Variants in MYLK4 observed in about 807,000 individuals in gnomAD.
The protein encoded by MYLK4 is myosin light chain kinase family member 4.
In MYLK4, 46 loss-of-function variants were observed where a neutral mutation model predicts 48.1. The ratio of observed to expected loss-of-function variants is 0.96; its 90% confidence interval spans 0.75 to 1.22. The LOEUF is 1.22. MYLK4 is among the 50% of genes most tolerant of loss of function. The pLI is 0.00. For synonymous variants in MYLK4, 170 were observed against 180.8 expected, an observed-to-expected ratio of 0.94 and a Z score of 0.48; for missense variants, 451 against 486.1, an observed-to-expected ratio of 0.93 and a Z score of 0.68.
chr6:2,731,009 ACCTTTTCT>A (rs1332486358), intron 2 of MYLK4, among the ~76,000 whole-genome samples: 1 of 152,134 alleles, frequency 6.6e-6, no homozygotes, highest in Non-Finnish European at 1.5e-5. Flanking sequence ...ACCACGAAAG[ACCTTTTCT>A]TACAGAAAAG....
At chr6:2,694,505 G>A (rs1761950961) in intron 2 of MYLK4, among the ~76,000 whole-genome samples, 2 of 30,632 alleles carry the variant, frequency 6.5e-5, no homozygotes, top group African/African-American at 1.6e-4. Context: ...TGGTGGTGGT[G>A]GTGGTGGCGG....
At chr6:2,690,884 C>T (rs1005748843) in intron 3 of MYLK4, among the ~76,000 whole-genome samples, 19 of 121,382 alleles carry the variant, frequency 1.6e-4, no homozygotes, top group African/African-American at 6.2e-4. Context: ...GGCTGGAGTG[C>T]AGTGGCGCGA....
chr6:2,731,420 G>A (rs535261964), intron 2 of MYLK4, among the ~76,000 whole-genome samples: 1 of 152,264 alleles, frequency 6.6e-6, no homozygotes, highest in South Asian at 2.1e-4. Context: ...GGCTGCTGGA[G>A]GTGCTTCTCC....
Position 2,675,125 on chromosome 6 carries a change from A to G in MYLK4, c.1041T>C (p.Ser347=). ...FISKLLIKEK[S]WRISASEALK... The stretch of plus-strand genomic sequence containing the variant: ...GAGCTTCGCTTGCACTTATTCGCCA[A>G]CTAGAAGGAAATTCAGAAGGTGATT... Residue 347 remains serine (S), a splice_region_variant and synonymous_variant, in exon 11 of 13, where the codon AGT becomes AGC. Transcript: ENST00000274643. 2 of 1,612,816 alleles carry G rather than the reference A, an allele frequency of 1.2e-6. No homozygotes were observed. Among genetic ancestry groups the G allele is most frequent in the Non-Finnish European group, 8.5e-7 (1 of 1,178,894 alleles).
At chr6:2,686,152 G>C (rs1761539724) in intron 4 of MYLK4, among the ~76,000 whole-genome samples, 1 of 151,752 alleles carries the variant, frequency 6.6e-6, no homozygotes, top group Non-Finnish European at 1.5e-5. Flanking sequence ...CCTGAGGCAG[G>C]AATCCAGGGG....
chr6:2,741,852 A>G lies in MYLK4; in HGVS notation c.159+7284T>C, dbSNP rs1196948251. Among the ~76,000 whole-genome samples, 3 of 152,216 alleles carry G rather than the reference A, an allele frequency of 2.0e-5. No homozygotes were observed. In the East Asian group the frequency reaches 5.8e-4, roughly 29 times the overall value. On this transcript the variant is annotated intron_variant, in intron 2 of 12. Transcript: ENST00000274643. ...GGCCTTTTCACTGGGAAATGCTCTG[A>G]GGGCTACAATCTCATAGCTTGAGTG...
At chr6:2,766,696 C>T in the MYLK4 span, among the ~76,000 whole-genome samples, 2 of 152,208 alleles carry the variant, frequency 1.3e-5, no homozygotes, top group South Asian at 2.1e-4. Flanking sequence ...TCTGTGAATC[C>T]ATAGTTTTAC....
the MYLK4 span, among the ~76,000 whole-genome samples, chr6:2,760,252 G>T: frequency 6.6e-6 from 1 of 152,170 alleles, no homozygotes; most frequent in Non-Finnish European, 1.5e-5. Context: ...ATATATGGGA[G>T]TATGTGCATA....
chr6:2,723,725 G>A (rs1398425271), intron 2 of MYLK4, among the ~76,000 whole-genome samples: 2 of 152,168 alleles, frequency 1.3e-5, no homozygotes, highest in Non-Finnish European at 1.5e-5. Context: ...GTCATCTCTG[G>A]CTAAAGAGAC....
intron 2 of MYLK4, among the ~76,000 whole-genome samples, chr6:2,714,539 T>C (rs1430470932): frequency 6.6e-6 from 1 of 152,254 alleles, no homozygotes; most frequent in Non-Finnish European, 1.5e-5. Context: ...TTCCTGGGCA[T>C]AGCCCCAATT....
the MYLK4 span, among the ~76,000 whole-genome samples, chr6:2,764,954 T>C: frequency 0.012 from 1,853 of 152,246 alleles, 27 homozygotes; most frequent in South Asian, 0.061. Context: ...TTGGGTTTTT[T>C]CCCCCATTTC....
At position 2,692,707 on chromosome 6, in the gene MYLK4, C is replaced by G. The variant is rs942893511; in HGVS notation, c.235+77G>C. The G allele has an allele frequency of 4.0e-5, 48 of 1,196,274 alleles. No homozygotes were observed. The Admixed American group carries it at 4.8e-4, about 12-fold the overall frequency. The allele number at this position is 1,196,274 out of a possible 1,614,324, so 74.1% of individuals were successfully genotyped here. A position where few individuals can be genotyped will look rare whatever the true frequency, so the allele number is the denominator to read the frequency against. On this transcript the variant is annotated intron_variant, in intron 3 of 12. Coordinates refer to ENST00000274643, the MANE Select transcript of MYLK4 (RefSeq NM_001012418.5). ...TGCACAGGGCTTTATGAATGTGCAA[C>G]TTCCTCTGAATAACAACAGGACTTT...
chr6:2,715,348 T>A (rs908930476), intron 2 of MYLK4, among the ~76,000 whole-genome samples: 1 of 151,856 alleles, frequency 6.6e-6, no homozygotes, highest in African/African-American at 2.4e-5. Flanking sequence ...TGCACGACAA[T>A]GTGAATGTAC....
intron 2 of MYLK4, among the ~76,000 whole-genome samples, chr6:2,731,654 T>C (rs1357625061): frequency 6.6e-6 from 1 of 152,210 alleles, no homozygotes; most frequent in East Asian, 1.9e-4. Flanking sequence ...CTGAATTCTC[T>C]CTAAGGTTGG....
At chr6:2,681,709 T>C (rs923412533) in intron 7 of MYLK4, among the ~76,000 whole-genome samples, 16 of 152,182 alleles carry the variant, frequency 1.1e-4, no homozygotes, top group Non-Finnish European at 2.2e-4. Flanking sequence ...CCAAGGAGCT[T>C]TCAGAAAAGC....
intron 2 of MYLK4, among the ~76,000 whole-genome samples, chr6:2,748,637 G>A (rs1764182136): frequency 6.6e-6 from 1 of 152,212 alleles, no homozygotes; most frequent in African/African-American, 2.4e-5. Flanking sequence ...CGAGCAGCTG[G>A]AATGGGGCTC....
At chr6:2,714,973 G>A (rs1762814060) in intron 2 of MYLK4, among the ~76,000 whole-genome samples, 2 of 152,152 alleles carry the variant, frequency 1.3e-5, no homozygotes, top group African/African-American at 2.4e-5. Flanking sequence ...TCTTTAATGG[G>A]TACAGAGTTG....
At chr6:2,722,519 G>GTA (rs1763107272) in intron 2 of MYLK4, among the ~76,000 whole-genome samples, 2 of 121,988 alleles carry the variant, frequency 1.6e-5, no homozygotes, top group African/African-American at 6.1e-5. Flanking sequence ...AGGAGTGTGT[G>GTA]TGTGTGTGTG....
chr6:2,698,256 C>A (rs372690222), intron 2 of MYLK4, among the ~76,000 whole-genome samples: 2 of 152,188 alleles, frequency 1.3e-5, no homozygotes, highest in African/African-American at 4.8e-5. Flanking sequence ...TGTTAGAGGT[C>A]GGCCACCCTG....
Sources: gnomAD v4.1 joint callset for allele counts (sites outside exome capture counted in the v4.1 genomes callset) on GRCh38, gnomAD v4.1.1 for gene constraint, MANE v1.5 for transcripts, NCBI Gene and HGNC (gene_info 2026-07-23, HGNC 2026-07-21) for gene names.